Variants in ASXL3 observed in about 807,000 individuals in gnomAD.
ASXL3 encodes ASXL transcriptional regulator 3.
In ASXL3, 34 loss-of-function variants were observed where a neutral mutation model predicts 170.6. That is an observed-to-expected ratio of 0.20 (90% CI 0.15 to 0.27). The LOEUF is 0.27. ASXL3 is among the 10% of genes least tolerant of loss of function. The pLI, the probability that ASXL3 is intolerant of heterozygous loss-of-function variation, is 1.00. For missense variants in ASXL3, 2,592 were observed against 2,695.3 expected, an observed-to-expected ratio of 0.96 and a Z score of 0.85; for synonymous variants, 1,002 against 989.1, an observed-to-expected ratio of 1.01 and a Z score of -0.24.
intron 2 of ASXL3, among the ~76,000 whole-genome samples, chr18:33,626,145 C>CT (rs1160574959): frequency 6.6e-6 from 1 of 152,022 alleles, no homozygotes; most frequent in Non-Finnish European, 1.5e-5. Context: ...TTTAAATACT[C>CT]TATGTAATGT....
intron 7 of ASXL3, among the ~76,000 whole-genome samples, chr18:33,679,607 C>T (rs773129227): frequency 1.7e-4 from 26 of 152,026 alleles, no homozygotes; most frequent in Non-Finnish European, 3.2e-4. Context: ...AAGTCTCCCA[C>T]CTCACATAAA....
intron 8 of ASXL3, among the ~76,000 whole-genome samples, chr18:33,710,766 G>T (rs2067045843): frequency 6.6e-6 from 1 of 152,088 alleles, no homozygotes; most frequent in African/African-American, 2.4e-5. Context: ...CAAGACAGAA[G>T]TGTACATCAA....
chr18:33,646,411 G>T, intron 4 of ASXL3, 58 bp downstream of exon 4: 1 of 1,220,532 alleles, frequency 8.2e-7, no homozygotes, highest in Non-Finnish European at 1.2e-6. Flanking sequence ...TATATAGAAT[G>T]CCAATGATTC....
chr18:33,634,175 A>T (rs1284066840), intron 2 of ASXL3, among the ~76,000 whole-genome samples: 1 of 152,172 alleles, frequency 6.6e-6, no homozygotes, highest in East Asian at 1.9e-4. Context: ...ACATTAATTG[A>T]ATCAAGGCAA....
intron 2 of ASXL3, among the ~76,000 whole-genome samples, chr18:33,613,477 A>ACCATCC (rs2065370566): frequency 6.6e-6 from 1 of 152,120 alleles, no homozygotes; most frequent in Non-Finnish European, 1.5e-5. Context: ...TTGATTCCAG[A>ACCATCC]CCATCCCAAT....
At chr18:33,715,057 C>A (rs758072817) in intron 8 of ASXL3, among the ~76,000 whole-genome samples, 1 of 152,122 alleles carries the variant, frequency 6.6e-6, no homozygotes, top group Non-Finnish European at 1.5e-5. Context: ...CAGTACACCC[C>A]CTTCAGTAAC....
At chr18:33,636,421 CTGT>C (rs1431995824) in intron 2 of ASXL3, among the ~76,000 whole-genome samples, 1 of 152,108 alleles carries the variant, frequency 6.6e-6, no homozygotes, top group Non-Finnish European at 1.5e-5. Flanking sequence ...AGCAGTGTTT[CTGT>C]TGTTGTTTTT....
At chr18:33,713,219 C>T (rs868292180) in intron 8 of ASXL3, among the ~76,000 whole-genome samples, 1 of 137,808 alleles carries the variant, frequency 7.3e-6, no homozygotes, top group African/African-American at 2.8e-5. Context: ...TAGCAATCTA[C>T]CACAAGAAGG....
intron 1 of ASXL3, among the ~76,000 whole-genome samples, chr18:33,602,457 G>A (rs1330896422): frequency 6.6e-6 from 1 of 152,026 alleles, no homozygotes. Context: ...CACTTTTGAT[G>A]TAATTTATTT....
rs2065857478 is a variant in ASXL3 at position 33,642,362 on chromosome 18, C to T, written c.138-2532C>T. Among the ~76,000 whole-genome samples the T allele has an allele frequency of 2.0e-5, 3 of 151,830 alleles. No individual in the cohort carries two copies. In the South Asian group the frequency reaches 6.2e-4, roughly 32 times the overall value. The stretch of plus-strand genomic sequence containing the variant: ...CAGTTACCTTTTAATAAGCATTTAG[C>T]TCATTTGATGCGTATTTTTCATTGT... On this transcript the variant is annotated intron_variant, in intron 2 of 11. Transcript: ENST00000269197.
intron 1 of ASXL3, among the ~76,000 whole-genome samples, chr18:33,586,750 G>T (rs2065038170): frequency 6.6e-6 from 1 of 152,032 alleles, no homozygotes; most frequent in South Asian, 2.1e-4. Flanking sequence ...CTGAATTTTA[G>T]AATTTTGTTA....
chr18:33,742,444 C>G (rs148183348), intron 11 of ASXL3, among the ~76,000 whole-genome samples: 1 of 152,154 alleles, frequency 6.6e-6, no homozygotes, highest in African/African-American at 2.4e-5. Flanking sequence ...TTGTCAATAT[C>G]TCAGTCAGGG....
intron 1 of ASXL3, among the ~76,000 whole-genome samples, chr18:33,582,081 A>ATCTG (rs1490125930): frequency 1.3e-5 from 2 of 152,084 alleles, no homozygotes; most frequent in African/African-American, 4.8e-5. Context: ...ATGCATTTTC[A>ATCTG]TCTGTTTTAT....
In ASXL3 at chr18:33,745,537, C is replaced by T; in HGVS notation, c.5689C>T (p.Gln1897Ter). 1 of 1,613,984 alleles carries T rather than the reference C, an allele frequency of 6.2e-7. No homozygotes were observed. Among genetic ancestry groups the T allele is most frequent in the African/African-American group, 1.3e-5 (1 of 75,038 alleles). Residue 1897 changes from glutamine to a stop codon, truncating the protein, a stop_gained, in exon 12 of 12, where the codon CAA becomes TAA. Transcript: ENST00000269197. LOFTEE classifies it high-confidence loss of function. ...RIVHSPEVKQQKRLLPSCSFQ... is the reference protein window; with the variant it reads ...RIVHSPEVKQ Reference sequence around the variant, plus strand: ...TGTTCACAGCCCTGAGGTCAAACAGCAAAAGCGGCTGCTCCCCTCGTGTAG... The same window carrying T: ...TGTTCACAGCCCTGAGGTCAAACAGTAAAAGCGGCTGCTCCCCTCGTGTAG...
intron 1 of ASXL3, among the ~76,000 whole-genome samples, chr18:33,583,263 T>C (rs2065008291): frequency 6.6e-6 from 1 of 152,132 alleles, no homozygotes; most frequent in Admixed American, 6.5e-5. Flanking sequence ...TTCTTAAGAG[T>C]TGAAGAATTT....
At chr18:33,728,988 C>CTT (rs1454444944) in intron 8 of ASXL3, among the ~76,000 whole-genome samples, 1 of 152,126 alleles carries the variant, frequency 6.6e-6, no homozygotes, top group Admixed American at 6.6e-5. Flanking sequence ...GAGGGGGAAA[C>CTT]TTGGACCTGG....
At chr18:33,703,094 G>T (rs893525183) in intron 8 of ASXL3, among the ~76,000 whole-genome samples, 1 of 152,022 alleles carries the variant, frequency 6.6e-6, no homozygotes, top group African/African-American at 2.4e-5. Context: ...TCTTTCCCTG[G>T]TTCTCTCTGG....
rs1285061664 is a variant in ASXL3 at position 33,738,918 on chromosome 18, T to C, written c.1514T>C (p.Met505Thr). The C allele has an allele frequency of 6.2e-7, 1 of 1,613,444 alleles. No individual in the cohort carries two copies. The highest frequency in any genetic ancestry group is 2.2e-5 in the East Asian group (1 of 44,882). The part of the protein sequence containing the change: ...PEDNLESCVM[M>T]NDVLETLPHI... Reference sequence around the variant, plus strand: ...GATAACTTGGAATCCTGTGTTATGATGAATGATGTTTTAGAAACTTTGCCT... The same window carrying C: ...GATAACTTGGAATCCTGTGTTATGACGAATGATGTTTTAGAAACTTTGCCT... The change falls in exon 11 of 12, where the codon ATG (methionine) becomes ACG (threonine). Residue 505 changes from methionine to threonine, a missense_variant. Physicochemically the swap from Met to Thr is moderately conservative, Grantham distance 81. Coordinates refer to ENST00000269197, the MANE Select transcript of ASXL3 (RefSeq NM_030632.3).
chr18:33,683,115 C>T (rs951408615), intron 7 of ASXL3, among the ~76,000 whole-genome samples: 14 of 151,892 alleles, frequency 9.2e-5, no homozygotes, highest in Non-Finnish European at 1.9e-4. Context: ...ATTGGAAGCT[C>T]ACAATTAAAA....
Sources: allele counts gnomAD v4.1 joint callset (sites outside exome capture counted in the v4.1 genomes callset), GRCh38; gene constraint gnomAD v4.1.1; transcripts MANE v1.5; gene names NCBI Gene and HGNC (gene_info 2026-07-23, HGNC 2026-07-21).